The following PTK2 variants were observed in gnomAD, a reference collection of about 807,000 sequenced individuals.
The protein encoded by PTK2 is focal adhesion kinase 1.
A neutral mutation model predicts 150.1 loss-of-function variants in PTK2; 45 were observed. The ratio of observed to expected loss-of-function variants is 0.30; its 90% confidence interval spans 0.24 to 0.38. PTK2 has a LOEUF of 0.38. PTK2 is among the 10% of genes least tolerant of loss of function. The pLI is 1.00. For synonymous variants in PTK2, 432 were observed against 449.2 expected (o/e 0.96, Z 0.48); for missense variants, 919 against 1,307.3 (o/e 0.70, Z 4.58).
intron 1 of PTK2, among the ~76,000 whole-genome samples, chr8:140,961,143 C>A (rs1333110643): frequency 6.6e-6 from 1 of 152,160 alleles, no homozygotes; most frequent in Non-Finnish European, 1.5e-5. Context: ...GCACTGTGAG[C>A]AAGTTATACA....
chr8:140,894,432 A>G (rs371669978), intron 2 of PTK2, among the ~76,000 whole-genome samples: 1 of 152,340 alleles, frequency 6.6e-6, no homozygotes, highest in East Asian at 1.9e-4. Flanking sequence ...ACATATGCAT[A>G]AGGTTATTCA....
At chr8:140,897,578 G>A (rs939380604) in intron 2 of PTK2, among the ~76,000 whole-genome samples, 1 of 152,184 alleles carries the variant, frequency 6.6e-6, no homozygotes, top group Non-Finnish European at 1.5e-5. Flanking sequence ...TGTTGGTCTT[G>A]AGGGTTCTGA....
At chr8:140,858,222 A>G (rs1331115452) in intron 5 of PTK2, among the ~76,000 whole-genome samples, 3 of 152,150 alleles carry the variant, frequency 2.0e-5, no homozygotes, top group Admixed American at 1.3e-4. Flanking sequence ...AAGACAAGAA[A>G]TTAAAAACAT....
At chr8:140,864,481 T>G in intron 4 of PTK2, 82 bp from the exon 5 acceptor site, 2 of 673,762 alleles carry the variant, frequency 3.0e-6, no homozygotes, top group Non-Finnish European at 4.9e-6. Flanking sequence ...ATTGTGAGTA[T>G]AGCATTCCTA....
chr8:140,837,095 T>C (rs562409611), intron 7 of PTK2, among the ~76,000 whole-genome samples: 2 of 152,306 alleles, frequency 1.3e-5, no homozygotes, highest in Admixed American at 1.3e-4. Context: ...TCTTAAAACA[T>C]TTGACCTCCT....
intron 23 of PTK2, among the ~76,000 whole-genome samples, chr8:140,712,936 T>C (rs1307392858): frequency 2.0e-5 from 3 of 152,230 alleles, no homozygotes; most frequent in Non-Finnish European, 4.4e-5. Flanking sequence ...CTCTGAACAG[T>C]ATGTCTGCCA....
intron 27 of PTK2, chr8:140,675,779 T>C (rs917092897): frequency 3.2e-6 from 1 of 312,644 alleles, no homozygotes; most frequent in African/African-American, 2.1e-5. Flanking sequence ...AAAATGTTCT[T>C]ACACAGCTGA....
At chr8:140,989,092 T>C (rs1159206374) in intron 1 of PTK2, among the ~76,000 whole-genome samples, 1 of 151,868 alleles carries the variant, frequency 6.6e-6, no homozygotes, top group East Asian at 1.9e-4. Context: ...AAAAACACTT[T>C]TGAGGCTGGG....
rs1045892249 is a variant in PTK2, at chr8:140,659,696, G to T, written c.2947-18C>A. On this transcript the variant is annotated intron_variant, in intron 31 of 31. Coordinates refer to ENST00000522684, the Ensembl canonical transcript of PTK2. ...ATCTCAATCTGAAAGACAAGAGATA[G>T]GTCAGGAGAACTGTTTTCAGTGATT... 3.1e-6 allele frequency: 5 copies of T among 1,596,726 alleles called. No individual in the cohort carries two copies. The highest frequency in any genetic ancestry group is 4.3e-6 in the Non-Finnish European group (5 of 1,168,338).
exon 3 of PTK2, chr8:140,890,555 A>G: frequency 6.2e-7 from 1 of 1,613,826 alleles, no homozygotes; most frequent in South Asian, 1.1e-5. Context: ...TGACATCAGT[A>G]GCATCTCCAT....
chr8:140,674,463 G>A, intron 28 of PTK2, 59 bp from the exon 32 acceptor site: 1 of 1,457,686 alleles, frequency 6.9e-7, no homozygotes, highest in South Asian at 1.2e-5. Context: ...TAAGAGGCTG[G>A]GGGCAGTGGC....
At chr8:140,827,131 T>C (rs983918572) in intron 8 of PTK2, among the ~76,000 whole-genome samples, 5 of 152,232 alleles carry the variant, frequency 3.3e-5, no homozygotes, top group Non-Finnish European at 7.4e-5. Context: ...CTGCACACTC[T>C]GCACTCTCTG....
chr8:140,982,430 C>G (rs559638418), intron 1 of PTK2, among the ~76,000 whole-genome samples: 1 of 152,324 alleles, frequency 6.6e-6, no homozygotes, highest in East Asian at 1.9e-4. Flanking sequence ...AACCCCATCT[C>G]TACTAAAAAT....
intron 1 of PTK2, among the ~76,000 whole-genome samples, chr8:140,981,125 T>C (rs1015101422): frequency 7.2e-6 from 1 of 139,686 alleles, no homozygotes; most frequent in African/African-American, 2.6e-5. Flanking sequence ...GAAAAAGAAA[T>C]GGAAAAAAAC....
chr8:140,893,319 ATG>A, intron 2 of PTK2, among the ~76,000 whole-genome samples: 1 of 152,336 alleles, frequency 6.6e-6, no homozygotes, highest in Admixed American at 6.5e-5. Context: ...ATAAAACAAA[ATG>A]AAACACCCTC....
At chr8:140,793,289 A>T (rs1421399716) in intron 13 of PTK2, 65 bp downstream of exon 13, 7 of 1,522,588 alleles carry the variant, frequency 4.6e-6, no homozygotes, top group African/African-American at 1.4e-5. Flanking sequence ...TGAATAATAA[A>T]GCATAGAAAT....
chr8:140,792,301 C>A (rs2100088957), intron 13 of PTK2, among the ~76,000 whole-genome samples: 1 of 152,282 alleles, frequency 6.6e-6, no homozygotes, highest in Non-Finnish European at 1.5e-5. Flanking sequence ...AAAAAGAACC[C>A]TCAATAAAAA....
intron 29 of PTK2, 150 bp downstream of exon 33, chr8:140,669,577 G>T: frequency 1.3e-6 from 1 of 758,362 alleles, no homozygotes; most frequent in Non-Finnish European, 2.1e-6. Flanking sequence ...TATAAACACT[G>T]CTTTTGGCAT....
upstream of PTK2, chr8:141,001,393 G>A (rs1267798772): frequency 6.6e-6 from 1 of 150,978 alleles, no homozygotes; most frequent in East Asian, 2.0e-4. Context: ...GCCTCTCGGG[G>A]GGACTGGGCA....
Sources: gnomAD v4.1 joint callset for allele counts (sites outside exome capture counted in the v4.1 genomes callset) on GRCh38, gnomAD v4.1.1 for gene constraint, MANE v1.5 for transcripts, NCBI Gene and HGNC (gene_info 2026-07-23, HGNC 2026-07-21) for gene names.